IMMP2L: variants seen among roughly 807,000 people sequenced by gnomAD.
IMMP2L encodes the protein mitochondrial inner membrane protease subunit 2.
Under a neutral mutation model 19.3 loss-of-function variants are expected in IMMP2L, and 18 were observed. That is an observed-to-expected ratio of 0.93 (90% CI 0.64 to 1.38). The LOEUF (loss-of-function observed/expected upper bound fraction) is 1.38. IMMP2L is among the 40% of genes most tolerant of loss of function. The pLI is 0.00. For synonymous variants in IMMP2L, 76 were observed against 73.0 expected (o/e 1.04, Z -0.21); for missense variants, 233 against 218.2 (o/e 1.07, Z -0.43).
intron 3 of IMMP2L, among the ~76,000 whole-genome samples, chr7:111,204,972 A>G (rs1287904493): frequency 6.6e-6 from 1 of 152,196 alleles, no homozygotes; most frequent in Non-Finnish European, 1.5e-5. Flanking sequence ...ACAAAATATC[A>G]GACTGGGTAA....
intron 5 of IMMP2L, among the ~76,000 whole-genome samples, chr7:110,787,320 A>T (rs1164665054): frequency 6.6e-6 from 1 of 152,018 alleles, no homozygotes; most frequent in East Asian, 1.9e-4. Flanking sequence ...AACCTTACAA[A>T]GCTTTTCTTG....
chr7:111,065,823 A>T (rs575962841), intron 3 of IMMP2L, among the ~76,000 whole-genome samples: 3 of 152,168 alleles, frequency 2.0e-5, no homozygotes, highest in African/African-American at 7.2e-5. Context: ...ACCTTGTAAG[A>T]TAATACTACT....
At chr7:110,898,377 A>C (rs1811533130) in intron 4 of IMMP2L, among the ~76,000 whole-genome samples, 1 of 152,158 alleles carries the variant, frequency 6.6e-6, no homozygotes, top group Admixed American at 6.5e-5. Flanking sequence ...GGATGAATCA[A>C]GTTCATGGAA....
At chr7:111,505,089 T>C (rs1844740493) in intron 2 of IMMP2L, among the ~76,000 whole-genome samples, 1 of 151,964 alleles carries the variant, frequency 6.6e-6, no homozygotes, top group Admixed American at 6.5e-5. Context: ...AAAGGGCTAA[T>C]ATCCAGAATC....
At position 111,213,809 on chromosome 7, in the gene IMMP2L, G is replaced by A. The variant is rs73714690; in HGVS notation, c.240-250244C>T. ...ACATTTGAAGGAATGACCTGCCTGC[G>A]GAGAGCTATCCAACGTGGGTCTCCT... On this transcript the variant is annotated intron_variant, in intron 3 of 5. Coordinates refer to ENST00000405709, the MANE Select transcript of IMMP2L (RefSeq NM_032549.4). This position sits in a 1 kb window ranked among gnomAD's most constrained non-coding sequence, Gnocchi z 4.8. Among the ~76,000 whole-genome samples the A allele has an allele frequency of 6.3e-3, 957 of 152,198 alleles. 15 individuals are homozygous for A. Among genetic ancestry groups the A allele is most frequent in the African/African-American group, 0.02 (841 of 41,516 alleles).
intron 3 of IMMP2L, among the ~76,000 whole-genome samples, chr7:111,466,733 G>A (rs1479841194): frequency 6.6e-6 from 1 of 152,056 alleles, no homozygotes; most frequent in Non-Finnish European, 1.5e-5. Flanking sequence ...TCAGCCAAAA[G>A]CAGATCAAAC....
chr7:111,374,729 C>A (rs1289209167), intron 3 of IMMP2L, among the ~76,000 whole-genome samples: 2 of 152,070 alleles, frequency 1.3e-5, no homozygotes, highest in African/African-American at 4.8e-5. Context: ...TAAGTCTGAC[C>A]CTTTAATAGT....
At chr7:111,480,348 G>A (rs1301271695) in intron 3 of IMMP2L, among the ~76,000 whole-genome samples, 1 of 151,990 alleles carries the variant, frequency 6.6e-6, no homozygotes, top group African/African-American at 2.4e-5. Context: ...CCAAAGTGCT[G>A]AGATTACAGG....
chr7:111,362,195 C>T (rs1176483648), intron 3 of IMMP2L, among the ~76,000 whole-genome samples: 5 of 151,970 alleles, frequency 3.3e-5, no homozygotes, highest in Non-Finnish European at 5.9e-5. Context: ...TGCTTAAACT[C>T]ATTTCCAGTT....
At chr7:111,283,317 T>G (rs754698411) in intron 3 of IMMP2L, among the ~76,000 whole-genome samples, 7 of 152,140 alleles carry the variant, frequency 4.6e-5, no homozygotes, top group African/African-American at 7.2e-5. Context: ...AATGTGCATA[T>G]AGAGTTGACA....
At chr7:111,363,643 C>T (rs1252179854) in intron 3 of IMMP2L, among the ~76,000 whole-genome samples, 1 of 152,082 alleles carries the variant, frequency 6.6e-6, no homozygotes, top group East Asian at 1.9e-4. Context: ...CGGTCTTTCC[C>T]CCCTTCAATC....
At chr7:110,701,407 T>C (rs1343500723) in intron 5 of IMMP2L, among the ~76,000 whole-genome samples, 3 of 152,088 alleles carry the variant, frequency 2.0e-5, no homozygotes, top group Non-Finnish European at 4.4e-5. Flanking sequence ...TTGGGAAACA[T>C]GACAAAAGAA....
At chr7:111,189,533 T>C (rs1164720983) in intron 3 of IMMP2L, among the ~76,000 whole-genome samples, 1 of 152,026 alleles carries the variant, frequency 6.6e-6, no homozygotes, top group African/African-American at 2.4e-5. Context: ...ATACTCTAAC[T>C]TTCCTATCAC....
intron 5 of IMMP2L, among the ~76,000 whole-genome samples, chr7:110,683,504 A>G (rs1792883970): frequency 6.6e-6 from 1 of 152,236 alleles, no homozygotes; most frequent in South Asian, 2.1e-4. Context: ...AAATATTATG[A>G]TCTATCTGTT....
At chr7:110,781,527 A>T (rs945841097) in intron 5 of IMMP2L, among the ~76,000 whole-genome samples, 1 of 151,906 alleles carries the variant, frequency 6.6e-6, no homozygotes, top group African/African-American at 2.4e-5. Flanking sequence ...TATCTACTCA[A>T]TATTGAGTCA....
intron 3 of IMMP2L, among the ~76,000 whole-genome samples, chr7:111,463,537 A>T (rs1585205606): frequency 6.6e-6 from 1 of 151,788 alleles, no homozygotes; most frequent in African/African-American, 2.4e-5. Context: ...GCCACTCCAT[A>T]CCCCCACCAG....
rs566122346 is a variant in IMMP2L, at chr7:111,502,998, C to G, written c.136-15657G>C. 7.5e-3 allele frequency among the ~76,000 whole-genome samples: 1,136 copies of G among 150,734 alleles called. 5 individuals carry two copies. Among genetic ancestry groups the G allele is most frequent in the Middle Eastern group, 0.024 (7 of 292 alleles). ...AGCAGAACTGAAGGAAATAGAGACA[C>G]AAAAAACCCTTCAAAAAATTAATGA... On this transcript the variant is annotated intron_variant, in intron 2 of 5. Coordinates refer to ENST00000405709, the MANE Select transcript of IMMP2L (RefSeq NM_032549.4).
intron 1 of IMMP2L, among the ~76,000 whole-genome samples, chr7:111,551,382 C>G (rs1849436818): frequency 6.6e-6 from 1 of 151,950 alleles, no homozygotes; most frequent in Non-Finnish European, 1.5e-5. Flanking sequence ...CCAAACTGGG[C>G]AAGAGTTCAA....
In IMMP2L at chr7:110,819,262, C is replaced by T. The variant is rs116139829; in HGVS notation, c.408+67331G>A. ...ATGGTAAGGTAAAGATAGGTTACAG[C>T]GGAAGAGAAGCAGCTTAGTGTTTGG... On this transcript the variant is annotated intron_variant, in intron 5 of 5. Coordinates refer to ENST00000405709, the MANE Select transcript of IMMP2L (RefSeq NM_032549.4). 4.4e-3 allele frequency among the ~76,000 whole-genome samples: 665 copies of T among 151,922 alleles called. 3 individuals are homozygous for T. Among genetic ancestry groups the T allele is most frequent in the African/African-American group, 0.015 (611 of 41,464 alleles).
Sources: gnomAD v4.1 joint callset for allele counts (sites outside exome capture counted in the v4.1 genomes callset) on GRCh38, gnomAD v4.1.1 for gene constraint, Gnocchi (gnomAD v3.1) non-coding constraint, MANE v1.5 for transcripts, NCBI Gene and HGNC (gene_info 2026-07-23, HGNC 2026-07-21) for gene names.